The following AP3M1 variants were observed in gnomAD, a reference collection of about 807,000 sequenced individuals.
AP3M1 encodes adaptor related protein complex 3 subunit mu 1.
Under a neutral mutation model 42.6 loss-of-function variants are expected in AP3M1, and 29 were observed. The ratio of observed to expected loss-of-function variants is 0.68; its 90% CI spans 0.51 to 0.93. AP3M1 has a LOEUF of 0.93. AP3M1 is among the 40% of genes least tolerant of loss of function. The pLI, the probability that AP3M1 is intolerant of heterozygous loss-of-function variation, is 0.00. For missense variants in AP3M1, 416 were observed against 510.2 expected, an observed-to-expected ratio of 0.82 and a Z score of 1.78; for synonymous variants, 178 against 175.3, an observed-to-expected ratio of 1.02 and a Z score of -0.12.
chr10:74,127,709 T>G (rs1335528292), intron 6 of AP3M1, among the ~76,000 whole-genome samples: 1 of 151,810 alleles, frequency 6.6e-6, no homozygotes, highest in Non-Finnish European at 1.5e-5. Flanking sequence ...ACAAAAACAA[T>G]TGGGGCAAAT....
At chr10:74,137,668 T>C (rs772432164) in intron 2 of AP3M1, among the ~76,000 whole-genome samples, 1 of 152,220 alleles carries the variant, frequency 6.6e-6, no homozygotes, top group African/African-American at 2.4e-5. Flanking sequence ...TAAAATGGCA[T>C]AGTATTTGCA....
intron 4 of AP3M1, 79 bp downstream of exon 4, chr10:74,133,948 C>T (rs1438041598): frequency 4.7e-5 from 73 of 1,558,992 alleles, no homozygotes; most frequent in African/African-American, 6.8e-5. Flanking sequence ...CCACCGCGCC[C>T]GGCCAGGACT....
rs756433510 is a variant in AP3M1 at position 74,129,940 on chromosome 10, T to TA, written c.635dup (p.Ser213IlefsTer5). 2 of 1,613,642 alleles carry TA rather than the reference T, an allele frequency of 1.2e-6. No individual in the cohort carries two copies. Among genetic ancestry groups the TA allele is most frequent in the Non-Finnish European group, 1.7e-6 (2 of 1,179,808 alleles). Reference sequence around the variant, plus strand: ...AAAGGGAGAGATCAGGCATTCCAGATAGTTTAATGCAAGCATCAATGACCC... The same window carrying TA: ...AAAGGGAGAGATCAGGCATTCCAGATAAGTTTAATGCAAGCATCAATGACCC... On this transcript the variant is annotated frameshift_variant, in exon 5 of 9. Coordinates refer to ENST00000355264, the MANE Select transcript of AP3M1 (RefSeq NM_012095.6). LOFTEE classifies it high-confidence loss of function.
chr10:74,145,640 T>C (rs1487673857), intron 1 of AP3M1, among the ~76,000 whole-genome samples: 1 of 152,314 alleles, frequency 6.6e-6, no homozygotes, highest in Non-Finnish European at 1.5e-5. Flanking sequence ...ACCACAACCA[T>C]CTTTTTGTTC....
intron 1 of AP3M1, among the ~76,000 whole-genome samples, chr10:74,147,327 G>A (rs922552277): frequency 6.6e-5 from 10 of 152,108 alleles, no homozygotes; most frequent in African/African-American, 2.4e-4. Flanking sequence ...TGATTTAAGA[G>A]TGTTTTTTAA....
intron 1 of AP3M1, among the ~76,000 whole-genome samples, chr10:74,147,874 C>T (rs1185586128): frequency 2.6e-5 from 4 of 152,164 alleles, no homozygotes; most frequent in Non-Finnish European, 2.9e-5. Flanking sequence ...TGGTAGGCGC[C>T]TGTAATCCCA....
intron 1 of AP3M1, among the ~76,000 whole-genome samples, chr10:74,144,398 G>A (rs977719533): frequency 1.3e-5 from 2 of 151,758 alleles, no homozygotes; most frequent in Non-Finnish European, 2.9e-5. Context: ...CTGAGTAGCT[G>A]GGCTTACAGG....
At chr10:74,134,249 T>A in intron 3 of AP3M1, 85 bp from the exon 4 acceptor site, 1 of 1,432,104 alleles carries the variant, frequency 7.0e-7, no homozygotes, top group Middle Eastern at 1.9e-4. Flanking sequence ...AAGCTGCTTC[T>A]TCAATGTTTG....
intron 1 of AP3M1, among the ~76,000 whole-genome samples, chr10:74,141,881 T>G (rs1023733173): frequency 5.7e-5 from 1 of 17,558 alleles, no homozygotes; most frequent in Non-Finnish European, 2.3e-4. Flanking sequence ...CCTGGCTAGT[T>G]TTTTTTTTTT....
intron 6 of AP3M1, 130 bp downstream of exon 6, chr10:74,128,978 G>A: frequency 9.3e-7 from 1 of 1,069,980 alleles, no homozygotes; most frequent in Non-Finnish European, 1.4e-6. Context: ...GTTCTCACTG[G>A]GTCTCCTGGT....
In AP3M1 at chr10:74,129,172, CTCTT is replaced by C; in HGVS notation, c.735_738del (p.Arg246PhefsTer23). The C allele has an allele frequency of 6.2e-7, 1 of 1,614,148 alleles. No individual in the cohort carries two copies. The highest frequency in any genetic ancestry group is 8.5e-7 in the Non-Finnish European group (1 of 1,180,010). On this transcript the variant is annotated frameshift_variant, in exon 6 of 9. Coordinates refer to ENST00000355264, the MANE Select transcript of AP3M1 (RefSeq NM_012095.6). LOFTEE classifies it high-confidence loss of function. ...CCATCTGGAGGAATAAATGACAAAA[CTCTT>C]TCAGATTCCCAACGCTTGAACCGGA...
rs1564541068 is a variant in AP3M1 at position 74,123,587 on chromosome 10, C to T, written c.*223G>A. ...GGAAAAAAATCACCTCCAAAATCTT[C>T]CTAAGTGAAAAGATACAAAATAAGC... On this transcript the variant is annotated 3_prime_UTR_variant, in exon 9 of 9. Transcript: ENST00000355264. 1 of 545,026 alleles carries T rather than the reference C, an allele frequency of 1.8e-6. No homozygotes were observed. 33.8% of individuals were successfully genotyped at this position (545,026 alleles called of 1,614,324 possible). A position where few individuals can be genotyped will look rare whatever the true frequency, so the allele number is the denominator to read the frequency against.
At chr10:74,146,915 T>C (rs950828958) in intron 1 of AP3M1, among the ~76,000 whole-genome samples, 5 of 151,876 alleles carry the variant, frequency 3.3e-5, no homozygotes, top group Admixed American at 1.3e-4. Flanking sequence ...TTAGTAACTA[T>C]AGCTTATTAG....
At chr10:74,138,737 C>T (rs986729986) in intron 1 of AP3M1, 5 of 178,434 alleles carry the variant, frequency 2.8e-5, no homozygotes, top group African/African-American at 9.6e-5. Context: ...TTGAGACCAG[C>T]CTGGGCAACA....
chr10:74,137,904 A>C (rs1187552100), intron 2 of AP3M1, among the ~76,000 whole-genome samples: 1 of 152,214 alleles, frequency 6.6e-6, no homozygotes, highest in African/African-American at 2.4e-5. Context: ...GCCAACTGTA[A>C]TCTGTAATAC....
intron 1 of AP3M1, among the ~76,000 whole-genome samples, chr10:74,147,059 T>TA (rs1245614715): frequency 2.0e-5 from 3 of 151,702 alleles, no homozygotes; most frequent in Non-Finnish European, 4.4e-5. Context: ...AAAGTGGGAG[T>TA]ATCACCTGAG....
intron 1 of AP3M1, among the ~76,000 whole-genome samples, chr10:74,149,248 T>C (rs1468272094): frequency 2.1e-5 from 3 of 139,768 alleles, no homozygotes; most frequent in African/African-American, 7.8e-5. Context: ...CAAAGAGAGC[T>C]TTCCTAAAGA....
chr10:74,141,781 C>T (rs1341467386), intron 1 of AP3M1, among the ~76,000 whole-genome samples: 2 of 146,558 alleles, frequency 1.4e-5, no homozygotes, highest in African/African-American at 2.5e-5. Flanking sequence ...GGTGTTATCT[C>T]GGCTCACTGA....
chr10:74,131,357 T>C (rs1377893025), intron 4 of AP3M1, among the ~76,000 whole-genome samples: 2 of 151,676 alleles, frequency 1.3e-5, no homozygotes, highest in African/African-American at 4.8e-5. Flanking sequence ...TTAGTAGAGA[T>C]GGGGTTTCAC....
Sources: gnomAD v4.1 joint callset for allele counts (sites outside exome capture counted in the v4.1 genomes callset) on GRCh38, gnomAD v4.1.1 for gene constraint, MANE v1.5 for transcripts, NCBI Gene and HGNC (gene_info 2026-07-23, HGNC 2026-07-21) for gene names.